Variants in FAT3 observed in about 807,000 individuals in gnomAD.
FAT3 encodes the protein protocadherin Fat 3.
FAT3 carries 95 observed loss-of-function variants against 310.2 expected under a neutral mutation model. The ratio of observed to expected loss-of-function variants is 0.31; its 90% CI spans 0.26 to 0.36. The LOEUF is 0.36. FAT3 is among the 10% of genes least tolerant of loss of function. The probability of loss-of-function intolerance (pLI) is 1.00; values close to 1 mark genes in which losing one functional copy is unlikely to be tolerated. For synonymous variants in FAT3, 2,314 were observed against 2,192.9 expected (o/e 1.06, Z -1.54); for missense variants, 5,408 against 5,715.6 (o/e 0.95, Z 1.74).
chr11:92,587,490 C>T (rs1939214613), intron 3 of FAT3, among the ~76,000 whole-genome samples: 1 of 151,886 alleles, frequency 6.6e-6, no homozygotes, highest in African/African-American at 2.4e-5. Context: ...TAAATGTCAC[C>T]AAATTATTTG....
At chr11:92,472,160 CTT>C (rs903649480) in intron 2 of FAT3, among the ~76,000 whole-genome samples, 3 of 151,942 alleles carry the variant, frequency 2.0e-5, no homozygotes, top group Non-Finnish European at 4.4e-5. Context: ...AGTTTTAACT[CTT>C]AAGCTAAATG....
At chr11:92,858,828 G>A (rs1379921554) in intron 20 of FAT3, among the ~76,000 whole-genome samples, 2 of 152,114 alleles carry the variant, frequency 1.3e-5, no homozygotes, top group Non-Finnish European at 2.9e-5. Flanking sequence ...GAATGAAGGG[G>A]TATCTTTTAA....
intron 1 of FAT3, among the ~76,000 whole-genome samples, chr11:92,227,316 A>G (rs1409609333): frequency 6.6e-6 from 1 of 152,150 alleles, no homozygotes; most frequent in Non-Finnish European, 1.5e-5. Context: ...CCAGTTCATC[A>G]CGGTGGATTT....
Position 92,891,370 on chromosome 11 carries a change from G to A in FAT3, c.*257G>A. ...GGTACCTATGTTCACAGCTAAAAATGCAAAGAGGGAAAAATTATTTCACCC... is the reference window on the plus strand; with the variant it reads ...GGTACCTATGTTCACAGCTAAAAATACAAAGAGGGAAAAATTATTTCACCC... On this transcript the variant is annotated 3_prime_UTR_variant, in exon 28 of 28. Transcript: ENST00000525166. 1 of 516,260 alleles carries A rather than the reference G, an allele frequency of 1.9e-6. No homozygotes were observed. 32.0% of individuals were successfully genotyped at this position (516,260 alleles called of 1,614,324 possible).
At chr11:92,790,277 C>T in intron 8 of FAT3, 59 bp downstream of exon 8, 3 of 1,550,844 alleles carry the variant, frequency 1.9e-6, no homozygotes, top group Non-Finnish European at 2.6e-6. Flanking sequence ...AGGCCACACA[C>T]ATTAGCCTTC....
chr11:92,561,272 TG>T (rs1415530001), intron 3 of FAT3, among the ~76,000 whole-genome samples: 1 of 151,078 alleles, frequency 6.6e-6, no homozygotes, highest in Non-Finnish European at 1.5e-5. Context: ...TGTGTGTGTG[TG>T]TGTGTGTGTG....
At chr11:92,255,121 G>A (rs1865265318) in intron 1 of FAT3, among the ~76,000 whole-genome samples, 1 of 152,080 alleles carries the variant, frequency 6.6e-6, no homozygotes, top group Non-Finnish European at 1.5e-5. Context: ...GGAAGCTACA[G>A]CTAAAGTTAA....
chr11:92,587,765 C>T (rs889916111), intron 3 of FAT3, among the ~76,000 whole-genome samples: 2 of 151,866 alleles, frequency 1.3e-5, no homozygotes, highest in Non-Finnish European at 2.9e-5. Flanking sequence ...TAATATGGAA[C>T]GTGTTCCTCC....
intron 3 of FAT3, among the ~76,000 whole-genome samples, chr11:92,652,255 C>A (rs1180489943): frequency 6.6e-6 from 1 of 152,190 alleles, no homozygotes; most frequent in Non-Finnish European, 1.5e-5. Flanking sequence ...AAGGCGCTAC[C>A]CCTGGCCACA....
At chr11:92,298,540 A>G (rs1180653817) in intron 1 of FAT3, among the ~76,000 whole-genome samples, 2 of 152,150 alleles carry the variant, frequency 1.3e-5, no homozygotes, top group Non-Finnish European at 2.9e-5. Flanking sequence ...CAATAATAGC[A>G]GCATAAAGGA....
At chr11:92,616,235 C>T (rs564200581) in intron 3 of FAT3, among the ~76,000 whole-genome samples, 1 of 152,220 alleles carries the variant, frequency 6.6e-6, no homozygotes, top group African/African-American at 2.4e-5. Context: ...TATGTAATGG[C>T]CTTCTTTGTC....
intron 3 of FAT3, among the ~76,000 whole-genome samples, chr11:92,555,020 C>T (rs1182082301): frequency 2.0e-5 from 3 of 151,648 alleles, no homozygotes; most frequent in Non-Finnish European, 4.4e-5. Context: ...TACTACAGAG[C>T]AATGGTTTTC....
At chr11:92,588,011 T>C (rs1485818168) in intron 3 of FAT3, among the ~76,000 whole-genome samples, 1 of 152,010 alleles carries the variant, frequency 6.6e-6, no homozygotes, top group Non-Finnish European at 1.5e-5. Flanking sequence ...TGTAAATCCC[T>C]CACCACTTCT....
chr11:92,603,827 G>A (rs1591509908), intron 3 of FAT3, among the ~76,000 whole-genome samples: 1 of 152,132 alleles, frequency 6.6e-6, no homozygotes, highest in Admixed American at 6.5e-5. Flanking sequence ...TTTAAAATAC[G>A]TTCTTCTTCT....
intron 2 of FAT3, among the ~76,000 whole-genome samples, chr11:92,401,798 T>A (rs1950019196): frequency 6.6e-6 from 1 of 152,210 alleles, no homozygotes; most frequent in Admixed American, 6.5e-5. Context: ...AGAAGCCTGC[T>A]ATAGGAATTT....
chr11:92,685,931 A>G (rs553901898), intron 3 of FAT3, among the ~76,000 whole-genome samples: 114 of 152,338 alleles, frequency 7.5e-4, no homozygotes, highest in Non-Finnish European at 1.4e-3. Context: ...GCAGTTATAA[A>G]TAATACTAAT....
intron 19 of FAT3, among the ~76,000 whole-genome samples, chr11:92,849,120 C>A (rs781756169): frequency 1.4e-4 from 21 of 152,100 alleles, no homozygotes; most frequent in Non-Finnish European, 2.8e-4. Context: ...ATTAAGGAAA[C>A]CAAAACTTGG....
intron 2 of FAT3, among the ~76,000 whole-genome samples, chr11:92,479,260 C>G (rs1164516454): frequency 1.3e-5 from 2 of 151,568 alleles, no homozygotes; most frequent in Non-Finnish European, 2.9e-5. Context: ...TCCTGCCCTC[C>G]TCAGCCTCCC....
chr11:92,512,695 A>G (rs954082563), intron 2 of FAT3, among the ~76,000 whole-genome samples: 1 of 150,468 alleles, frequency 6.6e-6, no homozygotes, highest in Non-Finnish European at 1.5e-5. Flanking sequence ...GCTTGGTGGC[A>G]TGGAACTTAA....
Sources: gnomAD v4.1 joint callset for allele counts (sites outside exome capture counted in the v4.1 genomes callset) on GRCh38, gnomAD v4.1.1 for gene constraint, MANE v1.5 for transcripts, NCBI Gene and HGNC (gene_info 2026-07-23, HGNC 2026-07-21) for gene names.